PTGER3: variants seen among roughly 807,000 people sequenced by gnomAD.
PTGER3 encodes the protein prostaglandin E2 receptor EP3 subtype.
A neutral mutation model predicts 34.7 loss-of-function variants in PTGER3; 22 were observed. The observed-to-expected ratio is 0.63, with a 90% CI of 0.45 to 0.91. The LOEUF is 0.91. Among genes scored for constraint, PTGER3 ranks in the 40% least tolerant of loss-of-function variants. The probability of loss-of-function intolerance (pLI) is 0.00; values close to 1 mark genes in which losing one functional copy is unlikely to be tolerated. For synonymous variants in PTGER3, 241 were observed against 230.1 expected (o/e 1.05, Z -0.43); for missense variants, 468 against 519.4 (o/e 0.90, Z 0.96).
chr1:70,947,755 T>A (rs1265991761), downstream of PTGER3, among the ~76,000 whole-genome samples: 1 of 152,148 alleles, frequency 6.6e-6, no homozygotes, highest in African/African-American at 2.4e-5. Flanking sequence ...ATTTCTTGAA[T>A]CATTGTTGAG....
intron 4 of PTGER3, among the ~76,000 whole-genome samples, chr1:70,930,668 G>T (rs944562318): frequency 1.4e-4 from 21 of 152,224 alleles, no homozygotes; most frequent in African/African-American, 5.1e-4. Flanking sequence ...AGGTACAAAA[G>T]CAGAAACCAC....
intron 1 of PTGER3, among the ~76,000 whole-genome samples, chr1:71,043,747 GTTTCT>G (rs1351953777): frequency 7.3e-5 from 11 of 150,606 alleles, no homozygotes; most frequent in Admixed American, 7.3e-4. Context: ...AGCTTTGCCA[GTTTCT>G]TTTCTTTGTA....
intron 2 of PTGER3, among the ~76,000 whole-genome samples, chr1:70,978,968 A>G (rs530165470): frequency 1.3e-5 from 2 of 152,272 alleles, no homozygotes; most frequent in East Asian, 3.9e-4. Context: ...CTGCTCTATC[A>G]CTAGGCCCAA....
intron 4 of PTGER3, among the ~76,000 whole-genome samples, chr1:70,856,698 T>C (rs1645814430): frequency 6.6e-6 from 1 of 152,218 alleles, no homozygotes; most frequent in South Asian, 2.1e-4. Context: ...TTACTTTTTA[T>C]TTTGAAATAG....
chr1:70,999,971 G>A (rs1035771337), intron 2 of PTGER3, among the ~76,000 whole-genome samples: 1 of 152,130 alleles, frequency 6.6e-6, no homozygotes, highest in Non-Finnish European at 1.5e-5. Flanking sequence ...TTGGACATAT[G>A]GACCTTCACA....
intron 2 of PTGER3, chr1:71,006,755 T>C (rs1366558132): frequency 3.0e-6 from 3 of 984,958 alleles, no homozygotes; most frequent in Non-Finnish European, 1.2e-6. Flanking sequence ...ATTGTGCTAT[T>C]ATTTGACAAA....
chr1:70,952,834 A>T, exon 4 of PTGER3: 1 of 1,460,344 alleles, frequency 6.8e-7, no homozygotes, highest in Non-Finnish European at 9.1e-7. Context: ...ATAAGCAGGG[A>T]TTAGAGTCAC....
chr1:71,003,057 C>CAAATGCAA (rs1367417683), intron 2 of PTGER3, among the ~76,000 whole-genome samples: 1 of 152,186 alleles, frequency 6.6e-6, no homozygotes, highest in Non-Finnish European at 1.5e-5. Flanking sequence ...TAAGGAAAGA[C>CAAATGCAA]AAATGCAAAA....
intron 4 of PTGER3, among the ~76,000 whole-genome samples, chr1:70,882,538 G>T (rs1198292791): frequency 6.6e-6 from 1 of 152,216 alleles, no homozygotes; most frequent in Non-Finnish European, 1.5e-5. Context: ...TGCAAATGTG[G>T]CCTCTATTGG....
chr1:71,010,213 A>C, intron 2 of PTGER3: 1 of 984,050 alleles, frequency 1.0e-6, no homozygotes. Context: ...TGGAAGTATC[A>C]GTCTCCTAAA....
chr1:71,007,266 AAAT>A, intron 2 of PTGER3: 1 of 985,672 alleles, frequency 1.0e-6, no homozygotes, highest in Non-Finnish European at 1.2e-6. Flanking sequence ...AAACAGATCA[AAAT>A]AATCAGTGCC....
Position 70,931,590 on chromosome 1 carries a change from C to T in PTGER3, c.*23+22173G>A, listed in dbSNP as rs111895504. Among the ~76,000 whole-genome samples, 388 of 152,322 alleles carry T rather than the reference C, an allele frequency of 2.5e-3. 2 individuals are homozygous for T. The highest frequency in any genetic ancestry group is 8.8e-3 in the African/African-American group (364 of 41,574). On this transcript the variant is annotated intron_variant, in intron 4 of 4. Transcript: ENST00000370931. The stretch of plus-strand genomic sequence containing the variant: ...CAAACCTCAATTCCTGACTTCTGTG[C>T]ACCTGCAGGCTCAGCACCACGTGGA...
intron 4 of PTGER3, among the ~76,000 whole-genome samples, chr1:70,863,109 A>AGAGAAG (rs1407142396): frequency 6.6e-6 from 1 of 151,988 alleles, no homozygotes; most frequent in Non-Finnish European, 1.5e-5. Context: ...GATGGGCCAT[A>AGAGAAG]ACATGAGCTA....
At chr1:70,928,775 G>T (rs645618) in intron 4 of PTGER3, among the ~76,000 whole-genome samples, 135,003 of 152,118 alleles carry the variant, frequency 0.89, 60,123 homozygotes, top group African/African-American at 0.96. Flanking sequence ...ATTCATTACT[G>T]ATAATTATAA....
At chr1:71,021,935 G>A (rs905866659) in intron 1 of PTGER3, among the ~76,000 whole-genome samples, 3 of 151,840 alleles carry the variant, frequency 2.0e-5, no homozygotes, top group African/African-American at 7.3e-5. Flanking sequence ...GTAACATGAA[G>A]AATATTTAGT....
intron 1 of PTGER3, among the ~76,000 whole-genome samples, chr1:71,042,848 C>T (rs1660436043): frequency 6.6e-6 from 1 of 152,130 alleles, no homozygotes; most frequent in African/African-American, 2.4e-5. Flanking sequence ...TTTGTGGATA[C>T]TGAGCAGGGA....
chr1:71,047,498 G>A lies in PTGER3; in HGVS notation c.80C>T (p.Pro27Leu). 1 of 1,604,808 alleles carries A rather than the reference G, an allele frequency of 6.2e-7. No individual in the cohort carries two copies. The highest frequency in any genetic ancestry group is 8.5e-7 in the Non-Finnish European group (1 of 1,177,054). Residue 27 changes from proline to leucine, a missense_variant, in exon 1 of 4, where the codon CCC (proline) becomes CTC (leucine). Physicochemically the swap from Pro to Leu is moderately conservative, Grantham distance 98 (BLOSUM62 -3). Around this residue, in one of 5 missense-constraint regions of PTGER3, gnomAD observed 151 missense variants for 133.5 expected, o/e 1.13. Transcript: ENST00000306666. Reference protein sequence around the residue: ...LNHSYTGMWAPERSAEARGNL... With the variant: ...LNHSYTGMWALERSAEARGNL... ...GCCCCGCGCCTCGGCGGAACGCTCG[G>A]GCGCCCACATGCCTGTGTAGGAGTG...
At chr1:71,003,120 A>C (rs1216500506) in intron 2 of PTGER3, among the ~76,000 whole-genome samples, 2 of 152,202 alleles carry the variant, frequency 1.3e-5, no homozygotes, top group East Asian at 1.9e-4. Context: ...TGCAAACCAT[A>C]AACATCAGTA....
rs113230339 is a variant in PTGER3, at chr1:70,893,809, A to G, written c.*24-40950T>C. On this transcript the variant is annotated intron_variant, in intron 4 of 4. Transcript: ENST00000370931. ...CTGCTAGGAATAAGAGCAACAGAGA[A>G]AATTCATTTGTTTGTTGCTTCCTTG... Among the ~76,000 whole-genome samples, 480 of 152,320 alleles carry G rather than the reference A, an allele frequency of 3.2e-3. 3 individuals are homozygous for G. The highest frequency in any genetic ancestry group is 0.011 in the African/African-American group (463 of 41,578).
Sources: allele counts gnomAD v4.1 joint callset (sites outside exome capture counted in the v4.1 genomes callset), GRCh38; gene constraint gnomAD v4.1.1; regional missense constraint gnomAD v4.1.1; transcripts MANE v1.5; gene names NCBI Gene and HGNC (gene_info 2026-07-23, HGNC 2026-07-21).